RNGTT: variants seen among roughly 807,000 people sequenced by gnomAD.
The protein encoded by RNGTT is mRNA-capping enzyme.
Under a neutral mutation model 79.3 loss-of-function variants are expected in RNGTT, and 33 were observed. The ratio of observed to expected loss-of-function variants is 0.42; its 90% CI spans 0.32 to 0.56. The LOEUF is 0.56. Ranked by LOEUF, RNGTT falls within the 20% of genes least tolerant of loss-of-function variation. The pLI, the probability that RNGTT is intolerant of heterozygous loss-of-function variation, is 0.17. For missense variants in RNGTT, 497 were observed against 739.1 expected, an observed-to-expected ratio of 0.67 and a Z score of 3.80; for synonymous variants, 222 against 235.9, an observed-to-expected ratio of 0.94 and a Z score of 0.54.
At chr6:88,683,599 A>T in intron 13 of RNGTT, among the ~76,000 whole-genome samples, 1 of 152,216 alleles carries the variant, frequency 6.6e-6, no homozygotes. Context: ...CACAAAATGC[A>T]ATGTGGATTC....
chr6:88,937,020 T>C (rs1168151353), intron 2 of RNGTT, among the ~76,000 whole-genome samples: 3 of 152,078 alleles, frequency 2.0e-5, no homozygotes, highest in Non-Finnish European at 4.4e-5. Context: ...CTCTGCCAGG[T>C]TTTCCAGTTA....
intron 13 of RNGTT, among the ~76,000 whole-genome samples, chr6:88,698,527 T>C (rs1161786782): frequency 1.3e-5 from 2 of 151,378 alleles, no homozygotes; most frequent in Non-Finnish European, 1.5e-5. Context: ...CTAGCTATCA[T>C]TTGTAAAAGG....
intron 13 of RNGTT, among the ~76,000 whole-genome samples, chr6:88,701,307 C>T (rs1051073253): frequency 6.6e-6 from 1 of 152,068 alleles, no homozygotes; most frequent in African/African-American, 2.4e-5. Flanking sequence ...GATCATCTAA[C>T]TCTTTTTCTT....
At chr6:88,871,930 C>G (rs1444175446) in intron 8 of RNGTT, among the ~76,000 whole-genome samples, 1 of 152,084 alleles carries the variant, frequency 6.6e-6, no homozygotes, top group Non-Finnish European at 1.5e-5. Context: ...CATTTCTTAC[C>G]TCCTATTTGT....
At chr6:88,665,175 C>A (rs1774351196) in intron 14 of RNGTT, among the ~76,000 whole-genome samples, 1 of 152,142 alleles carries the variant, frequency 6.6e-6, no homozygotes, top group African/African-American at 2.4e-5. Flanking sequence ...GCGACTCTTC[C>A]TAACCAAACC....
chr6:88,695,482 C>T (rs1344795840), intron 13 of RNGTT, among the ~76,000 whole-genome samples: 1 of 152,192 alleles, frequency 6.6e-6, no homozygotes, highest in East Asian at 1.9e-4. Context: ...CCTACCACCA[C>T]ATTTTCAAAA....
intron 13 of RNGTT, among the ~76,000 whole-genome samples, chr6:88,686,711 T>C (rs1775290896): frequency 1.3e-5 from 2 of 152,154 alleles, no homozygotes; most frequent in African/African-American, 4.8e-5. Context: ...GATAACTGGC[T>C]ATCCACACAG....
chr6:88,935,414 T>TA (rs1784635345), intron 2 of RNGTT, among the ~76,000 whole-genome samples: 1 of 152,150 alleles, frequency 6.6e-6, no homozygotes, highest in East Asian at 1.9e-4. Flanking sequence ...TCAGGTTCCA[T>TA]AAAAATGTTA....
intron 9 of RNGTT, among the ~76,000 whole-genome samples, chr6:88,850,084 C>T (rs1057426384): frequency 6.6e-5 from 10 of 152,060 alleles, no homozygotes; most frequent in African/African-American, 2.2e-4. Flanking sequence ...TTCCATGCTA[C>T]ATTTTGCTTT....
intron 13 of RNGTT, among the ~76,000 whole-genome samples, chr6:88,694,405 C>CTT (rs1323591952): frequency 6.6e-6 from 1 of 151,604 alleles, no homozygotes; most frequent in Non-Finnish European, 1.5e-5. Flanking sequence ...AAGTGAAAGG[C>CTT]CTACACACGA....
chr6:88,930,004 A>G (rs9451104), intron 2 of RNGTT, among the ~76,000 whole-genome samples: 1 of 148,122 alleles, frequency 6.8e-6, no homozygotes, highest in Non-Finnish European at 1.5e-5. Flanking sequence ...ATACATATAT[A>G]CATATGCATA....
At chr6:88,719,059 T>C (rs547330176) in intron 13 of RNGTT, among the ~76,000 whole-genome samples, 8 of 152,228 alleles carry the variant, frequency 5.3e-5, no homozygotes, top group African/African-American at 1.7e-4. Context: ...GATAAGAAAA[T>C]GGGCATTAAG....
At chr6:88,765,028 T>A (rs138396254) in intron 13 of RNGTT, among the ~76,000 whole-genome samples, 1 of 151,690 alleles carries the variant, frequency 6.6e-6, no homozygotes, top group Non-Finnish European at 1.5e-5. Flanking sequence ...CCGTCTCTAC[T>A]AAAAATACAA....
chr6:88,883,347 A>T (rs1478278471), intron 8 of RNGTT, among the ~76,000 whole-genome samples: 1 of 152,120 alleles, frequency 6.6e-6, no homozygotes, highest in East Asian at 1.9e-4. Context: ...CCAAAACCAT[A>T]TATTTCTCAT....
At chr6:88,699,329 G>C (rs1313792469) in intron 13 of RNGTT, among the ~76,000 whole-genome samples, 4 of 151,988 alleles carry the variant, frequency 2.6e-5, no homozygotes, top group Non-Finnish European at 5.9e-5. Flanking sequence ...TGATTATTTT[G>C]TACACCAATG....
At chr6:88,923,926 C>T (rs1007843840) in intron 4 of RNGTT, among the ~76,000 whole-genome samples, 30 of 152,182 alleles carry the variant, frequency 2.0e-4, no homozygotes, top group African/African-American at 7.2e-4. Flanking sequence ...ATTCTGTCAC[C>T]AGGAGCTGGT....
chr6:88,908,952 G>A (rs1412681159), intron 4 of RNGTT, among the ~76,000 whole-genome samples: 1 of 151,946 alleles, frequency 6.6e-6, no homozygotes, highest in Non-Finnish European at 1.5e-5. Flanking sequence ...GGGGCCAGAG[G>A]ACAAATGTGC....
chr6:88,958,639 C>G (rs1309117350), intron 1 of RNGTT, among the ~76,000 whole-genome samples: 1 of 152,104 alleles, frequency 6.6e-6, no homozygotes, highest in Non-Finnish European at 1.5e-5. Context: ...CAAGGAAATG[C>G]AAATTAAAAC....
chr6:88,786,619 T>C (rs1166946005), intron 12 of RNGTT, among the ~76,000 whole-genome samples: 1 of 152,218 alleles, frequency 6.6e-6, no homozygotes, highest in Non-Finnish European at 1.5e-5. Context: ...TCATTTCTGT[T>C]TGAGGAAAGC....
Sources: gnomAD v4.1 joint callset for allele counts (sites outside exome capture counted in the v4.1 genomes callset) on GRCh38, gnomAD v4.1.1 for gene constraint, MANE v1.5 for transcripts, NCBI Gene and HGNC (gene_info 2026-07-23, HGNC 2026-07-21) for gene names.